The following C8orf34 variants were observed in gnomAD, a reference collection of about 807,000 sequenced individuals.
The protein encoded by C8orf34 is uncharacterized protein C8orf34.
C8orf34 carries 65 observed loss-of-function variants against 68.3 expected under a neutral mutation model. That is an observed-to-expected ratio of 0.95 (90% CI 0.78 to 1.17). The LOEUF (loss-of-function observed/expected upper bound fraction) is 1.17, where lower values mean the gene tolerates loss of function less well. Ranked by LOEUF, C8orf34 falls within the 50% of genes most tolerant of loss-of-function variation. The probability of loss-of-function intolerance (pLI) is 0.00; values close to 1 mark genes in which losing one functional copy is unlikely to be tolerated. For missense variants in C8orf34, 664 were observed against 655.4 expected, an observed-to-expected ratio of 1.01 and a Z score of -0.14; for synonymous variants, 244 against 241.2, an observed-to-expected ratio of 1.01 and a Z score of -0.11.
chr8:68,630,756 T>G (rs1179751117), intron 7 of C8orf34, among the ~76,000 whole-genome samples: 1 of 151,896 alleles, frequency 6.6e-6, no homozygotes, highest in Admixed American at 6.6e-5. Context: ...ATTTAATTGG[T>G]TTTTAATAAA....
intron 9 of C8orf34, among the ~76,000 whole-genome samples, chr8:68,719,827 G>A (rs1821617658): frequency 6.6e-6 from 1 of 151,798 alleles, no homozygotes; most frequent in African/African-American, 2.4e-5. Flanking sequence ...TATTTATTAA[G>A]TCAATAGATT....
chr8:68,683,742 A>G (rs1820434414), intron 8 of C8orf34, among the ~76,000 whole-genome samples: 4 of 152,162 alleles, frequency 2.6e-5, no homozygotes, highest in Admixed American at 2.6e-4. Context: ...TAGCTAGATA[A>G]CAATAAAAAA....
intron 1 of C8orf34, among the ~76,000 whole-genome samples, chr8:68,418,506 G>A (rs532052134): frequency 6.6e-6 from 1 of 151,982 alleles, no homozygotes; most frequent in Non-Finnish European, 1.5e-5. Flanking sequence ...TAGCATGAAG[G>A]GTTGTTGAAT....
intron 1 of C8orf34, among the ~76,000 whole-genome samples, chr8:68,337,766 G>A (rs1028760283): frequency 2.3e-4 from 35 of 152,092 alleles, no homozygotes; most frequent in African/African-American, 8.0e-4. Context: ...GTTTATACGA[G>A]GAAATGGCTT....
At chr8:68,486,051 T>C (rs1813065542) in intron 4 of C8orf34, among the ~76,000 whole-genome samples, 1 of 152,226 alleles carries the variant, frequency 6.6e-6, no homozygotes, top group Non-Finnish European at 1.5e-5. Context: ...ATTTTAAATC[T>C]ATAGAATGTG....
chr8:68,486,999 GA>G (rs1813107621), intron 4 of C8orf34, among the ~76,000 whole-genome samples: 1 of 152,200 alleles, frequency 6.6e-6, no homozygotes, highest in Admixed American at 6.5e-5. Flanking sequence ...CCACAGTGCT[GA>G]AGTTTAGCCC....
At chr8:68,511,128 T>C (rs1004335493) in intron 5 of C8orf34, among the ~76,000 whole-genome samples, 1 of 152,370 alleles carries the variant, frequency 6.6e-6, no homozygotes, top group South Asian at 2.1e-4. Context: ...ATGGCACTGA[T>C]GCAAACAACT....
intron 7 of C8orf34, among the ~76,000 whole-genome samples, chr8:68,622,652 G>A (rs146624535): frequency 4.4e-4 from 67 of 152,270 alleles, no homozygotes; most frequent in African/African-American, 1.5e-3. Flanking sequence ...TCTTTGTTTT[G>A]TTAGTCATGG....
chr8:68,794,264 A>G (rs1195865084), intron 12 of C8orf34, among the ~76,000 whole-genome samples: 1 of 150,936 alleles, frequency 6.6e-6, no homozygotes, highest in East Asian at 2.0e-4. Flanking sequence ...CTCTGCCTCC[A>G]GGGCTCAAGC....
intron 1 of C8orf34, among the ~76,000 whole-genome samples, chr8:68,358,464 GC>G (rs1380564195): frequency 6.6e-6 from 1 of 150,650 alleles, no homozygotes; most frequent in African/African-American, 2.4e-5. Flanking sequence ...AATCCCAATA[GC>G]CTCCTTCATG....
At chr8:68,401,802 G>A (rs764134337) in intron 1 of C8orf34, among the ~76,000 whole-genome samples, 1 of 151,702 alleles carries the variant, frequency 6.6e-6, no homozygotes, top group African/African-American at 2.4e-5. Flanking sequence ...GTTTGCTAAT[G>A]TTTTATTGAG....
At chr8:68,622,028 G>T (rs1818403302) in intron 7 of C8orf34, among the ~76,000 whole-genome samples, 1 of 152,200 alleles carries the variant, frequency 6.6e-6, no homozygotes, top group Admixed American at 6.6e-5. Context: ...TTGAAACTCA[G>T]CTGGGGAAGG....
chr8:68,525,861 T>TA, intron 6 of C8orf34: 1 of 332,670 alleles, frequency 3.0e-6, no homozygotes, highest in Non-Finnish European at 5.7e-6. Flanking sequence ...TTTTTAGCAT[T>TA]GTGGATGTTC....
At chr8:68,526,646 G>T (rs1815002446) in intron 6 of C8orf34, among the ~76,000 whole-genome samples, 1 of 147,832 alleles carries the variant, frequency 6.8e-6, no homozygotes, top group Non-Finnish European at 1.5e-5. Context: ...AACTTCCAAG[G>T]CCTTAGTGCA....
At chr8:68,533,953 A>G (rs1424927062) in intron 7 of C8orf34, 12 of 845,612 alleles carry the variant, frequency 1.4e-5, no homozygotes, top group African/African-American at 1.8e-5. Context: ...GTTGTATTTT[A>G]TTTAGAAAGA....
chr8:68,380,248 G>A (rs1311071568), intron 1 of C8orf34, among the ~76,000 whole-genome samples: 1 of 152,140 alleles, frequency 6.6e-6, no homozygotes, highest in African/African-American at 2.4e-5. Flanking sequence ...GGCTGAATAT[G>A]CCTTTAAATT....
intron 1 of C8orf34, among the ~76,000 whole-genome samples, chr8:68,383,006 C>A (rs1436221670): frequency 1.3e-5 from 2 of 152,150 alleles, no homozygotes; most frequent in Non-Finnish European, 2.9e-5. Flanking sequence ...CAGAAGAGTG[C>A]TGTCTTTCTT....
intron 7 of C8orf34, among the ~76,000 whole-genome samples, chr8:68,608,866 T>G (rs1817932292): frequency 6.6e-6 from 1 of 152,054 alleles, no homozygotes; most frequent in African/African-American, 2.4e-5. Context: ...GTGAAACAAG[T>G]GACTATAAGA....
intron 10 of C8orf34, among the ~76,000 whole-genome samples, chr8:68,739,665 C>G (rs1026034889): frequency 2.0e-5 from 3 of 152,080 alleles, no homozygotes; most frequent in Admixed American, 6.6e-5. Flanking sequence ...GCTCTACTGC[C>G]CAAAGCAATT....
Sources: allele counts gnomAD v4.1 joint callset (sites outside exome capture counted in the v4.1 genomes callset), GRCh38; gene constraint gnomAD v4.1.1; transcripts MANE v1.5; gene names NCBI Gene and HGNC (gene_info 2026-07-23, HGNC 2026-07-21).